The following EIF3I variants were observed in gnomAD, a reference collection of about 807,000 sequenced individuals.
EIF3I encodes TGF-beta receptor-interacting protein 1.
A neutral mutation model predicts 43.3 loss-of-function variants in EIF3I; 20 were observed. The ratio of observed to expected loss-of-function variants is 0.46; its 90% CI spans 0.32 to 0.67. The LOEUF is 0.67. EIF3I is among the 30% of genes least tolerant of loss of function. EIF3I has a pLI of 0.03. For synonymous variants in EIF3I, 167 were observed against 151.7 expected, an observed-to-expected ratio of 1.10 and a Z score of -0.74; for missense variants, 279 against 421.4, an observed-to-expected ratio of 0.66 and a Z score of 2.96.
chr1:32,224,559 A>T (rs1639111906), intron 4 of EIF3I, 84 bp downstream of exon 4: 2 of 1,000,870 alleles, frequency 2.0e-6, no homozygotes. Flanking sequence ...AGGAAAATAG[A>T]GATGAAATCC....
At chr1:32,229,079 A>G in intron 8 of EIF3I, 56 bp from the exon 9 acceptor site, 1 of 1,566,324 alleles carries the variant, frequency 6.4e-7, no homozygotes, top group Non-Finnish European at 8.7e-7. Context: ...CAGCAGAAAA[A>G]CACAAAATGG....
chr1:32,233,694 C>A (rs1639267531), downstream of EIF3I, among the ~76,000 whole-genome samples: 1 of 152,146 alleles, frequency 6.6e-6, no homozygotes, highest in Non-Finnish European at 1.5e-5. Flanking sequence ...GAATTTGAGC[C>A]CAAATGATTC....
At chr1:32,228,667 C>T in intron 7 of EIF3I, 58 bp downstream of exon 7, 1 of 1,604,982 alleles carries the variant, frequency 6.2e-7, no homozygotes, top group East Asian at 2.2e-5. Flanking sequence ...CACAGCTCAC[C>T]CTGCCCGACT....
At position 32,222,491 on chromosome 1, in the gene EIF3I, G is replaced by A. The variant is rs760591594; in HGVS notation, c.3+47G>A. Reference sequence around the variant, plus strand: ...ATTGCAGTGGGGGTCCTGGGCTGAGGCTGGGGCCCAATTCCGAGCACTGAC... The same window carrying A: ...ATTGCAGTGGGGGTCCTGGGCTGAGACTGGGGCCCAATTCCGAGCACTGAC... On this transcript the variant is annotated intron_variant, in intron 1 of 11. Transcript: ENST00000676679. The A allele has an allele frequency of 5.6e-6, 9 of 1,613,076 alleles. No individual in the cohort carries two copies. The South Asian group carries it at 6.6e-5, about 12-fold the overall frequency.
exon 2 of EIF3I, chr1:32,222,610 T>G: frequency 6.2e-7 from 1 of 1,614,110 alleles, no homozygotes; most frequent in South Asian, 1.1e-5. Flanking sequence ...AGACCTCCTC[T>G]TTACTGTGGC....
downstream of EIF3I, among the ~76,000 whole-genome samples, chr1:32,232,492 C>T (rs369000823): frequency 7.9e-5 from 12 of 152,184 alleles, no homozygotes; most frequent in Non-Finnish European, 1.0e-4. Flanking sequence ...ACCTAGCATA[C>T]CCACTGTGCA....
At chr1:32,222,441 G>C in exon 1 of EIF3I, 1 of 1,600,416 alleles carries the variant, frequency 6.2e-7, no homozygotes, top group Non-Finnish European at 8.5e-7. Context: ...TCACAGCCGG[G>C]ATGGTGAGTT....
At chr1:32,234,277 G>A (rs1639273463), downstream of EIF3I, 2 of 141,688 alleles carry the variant, frequency 1.4e-5, no homozygotes, top group African/African-American at 5.5e-5. Flanking sequence ...CAGACCAGGC[G>A]ACAGGTGACA....
downstream of EIF3I, among the ~76,000 whole-genome samples, chr1:32,235,527 G>A (rs1639289308): frequency 6.6e-6 from 1 of 152,110 alleles, no homozygotes; most frequent in Admixed American, 6.6e-5. Context: ...CACCATGTTG[G>A]CCAGAATGGT....
At chr1:32,225,202 C>CT (rs1491310634) in intron 4 of EIF3I, among the ~76,000 whole-genome samples, 1 of 151,928 alleles carries the variant, frequency 6.6e-6, no homozygotes, top group African/African-American at 2.4e-5. Context: ...TCTCGAACTC[C>CT]TCAGCTCAAG....
intron 2 of EIF3I, among the ~76,000 whole-genome samples, chr1:32,223,581 G>A (rs962052552): frequency 6.6e-6 from 1 of 152,100 alleles, no homozygotes; most frequent in Non-Finnish European, 1.5e-5. Flanking sequence ...CACCACACCC[G>A]GCCTGGCCAT....
chr1:32,229,292 G>T (rs1045237789), intron 9 of EIF3I, 84 bp downstream of exon 9: 26 of 1,440,544 alleles, frequency 1.8e-5, no homozygotes, highest in East Asian at 2.3e-5. Flanking sequence ...ATGGAGTCTC[G>T]CTCTGTCGCC....
intron 10 of EIF3I, among the ~76,000 whole-genome samples, chr1:32,230,538 G>A (rs1639219411): frequency 6.7e-6 from 1 of 150,084 alleles, no homozygotes; most frequent in African/African-American, 2.4e-5. Flanking sequence ...TTTATTTTTT[G>A]TGATACAATT....
At chr1:32,231,409 T>A, downstream of EIF3I, 1 of 471,168 alleles carries the variant, frequency 2.1e-6, no homozygotes, top group East Asian at 4.3e-5. Context: ...GAGAATCACT[T>A]GAACCCAGGA....
At chr1:32,224,626 C>T (rs377581582) in intron 4 of EIF3I, 151 bp downstream of exon 4, 42 of 560,234 alleles carry the variant, frequency 7.5e-5, no homozygotes, top group African/African-American at 1.9e-4. Context: ...AGAAAATACA[C>T]GCCATGGTAG....
exon 6 of EIF3I, chr1:32,226,453 A>G: frequency 2.5e-6 from 4 of 1,603,166 alleles, no homozygotes; most frequent in Non-Finnish European, 3.4e-6. Flanking sequence ...TAAAATCACC[A>G]GTGCTGTTTG....
chr1:32,228,709 C>G lies in EIF3I; in HGVS notation c.640-18C>G, dbSNP rs1156901654. On this transcript the variant is annotated intron_variant, in intron 7 of 11. Coordinates refer to ENST00000676679, the Ensembl canonical transcript of EIF3I. ...AGGAAAGCTCTTTACAGATTTCCCC[C>G]CTGCCTTCTCTCTCCAGCTTTTTGA... The G allele has an allele frequency of 1.9e-6, 3 of 1,610,750 alleles. No homozygotes were observed. The highest frequency in any genetic ancestry group is 2.2e-5 in the East Asian group (1 of 44,880).
intron 4 of EIF3I, among the ~76,000 whole-genome samples, chr1:32,225,250 A>G (rs1476313878): frequency 6.6e-6 from 1 of 152,134 alleles, no homozygotes; most frequent in Non-Finnish European, 1.5e-5. Context: ...TGCTGAGATT[A>G]CAGGCACAAG....
rs1395092812 is a variant in EIF3I at position 32,224,527 on chromosome 1, C to T, written c.250+52C>T. The T allele has an allele frequency of 5.7e-6, 8 of 1,395,980 alleles. No individual in the cohort carries two copies. The Admixed American group carries it at 1.4e-4, about 24-fold the overall frequency. The allele number at this position is 1,395,980 out of a possible 1,614,324, so 86.5% of individuals were successfully genotyped here. On this transcript the variant is annotated intron_variant, in intron 4 of 11. Coordinates refer to ENST00000676679, the Ensembl canonical transcript of EIF3I. ...GCAAATATTGAGGACCTACAGTGTA[C>T]CTGTTTGAGTAAACAGGTCCTAGGA...
Sources: allele counts gnomAD v4.1 joint callset (sites outside exome capture counted in the v4.1 genomes callset), GRCh38; gene constraint gnomAD v4.1.1; transcripts MANE v1.5; gene names NCBI Gene and HGNC (gene_info 2026-07-23, HGNC 2026-07-21).